The following RNF216 variants were observed in gnomAD, a reference collection of about 807,000 sequenced individuals.
The protein encoded by RNF216 is ring finger protein 216, also known as E3 ubiquitin-protein ligase RNF216.
In RNF216, 72 loss-of-function variants were observed where a neutral mutation model predicts 110.8. The ratio of observed to expected loss-of-function variants is 0.65; its 90% CI spans 0.54 to 0.79. The LOEUF (loss-of-function observed/expected upper bound fraction) is 0.79, where lower values mean the gene tolerates loss of function less well. Ranked by LOEUF, RNF216 falls within the 30% of genes least tolerant of loss-of-function variation. The pLI, the probability that RNF216 is intolerant of heterozygous loss-of-function variation, is 0.00. For missense variants in RNF216, 1,342 were observed against 1,141.2 expected (o/e 1.18, Z -2.54); for synonymous variants, 495 against 407.5 (o/e 1.21, Z -2.59).
At chr7:5,714,081 A>G (rs1376656062) in intron 11 of RNF216, among the ~76,000 whole-genome samples, 1 of 151,894 alleles carries the variant, frequency 6.6e-6, no homozygotes, top group African/African-American at 2.4e-5. Context: ...CAGCTCACTA[A>G]GCCTCCCGAG....
chr7:5,756,855 C>T (rs13237895), intron 2 of RNF216, among the ~76,000 whole-genome samples: 40,555 of 151,986 alleles, frequency 0.27, 6,769 homozygotes, highest in East Asian at 0.69. Context: ...AGGCTGGCCT[C>T]GAAATCCTAG....
rs1786330348 is a variant in RNF216 at position 5,621,159 on chromosome 7, AT to A, written c.*1700del. 6.8e-6 allele frequency: 1 copy of A among 146,598 alleles called. No homozygotes were observed. The highest frequency in any genetic ancestry group is 1.5e-5 in the Non-Finnish European group (1 of 67,394). 9.1% of individuals were successfully genotyped at this position (146,598 alleles called of 1,614,324 possible). A position where few individuals can be genotyped will look rare whatever the true frequency, so the allele number is the denominator to read the frequency against. On this transcript the variant is annotated 3_prime_UTR_variant, in exon 17 of 17. Coordinates refer to ENST00000389902, the MANE Select transcript of RNF216 (RefSeq NM_207111.4). ...TCCATCCTGGGCAAAGGCAGAAAGA[AT>A]GGGTATCTTAGTTTTTTTTTTTTTT...
chr7:5,775,443 C>G (rs1796720357), intron 1 of RNF216, among the ~76,000 whole-genome samples: 2 of 152,110 alleles, frequency 1.3e-5, no homozygotes, highest in African/African-American at 4.8e-5. Flanking sequence ...ACTGTATGAT[C>G]CTAGGGCTCT....
chr7:5,642,787 G>C, intron 14 of RNF216, among the ~76,000 whole-genome samples: 1 of 152,160 alleles, frequency 6.6e-6, no homozygotes, highest in Non-Finnish European at 1.5e-5. Context: ...CTAGACTCAA[G>C]GTTCTAATGA....
At chr7:5,728,343 G>T (rs1438835585) in intron 7 of RNF216, among the ~76,000 whole-genome samples, 1 of 152,018 alleles carries the variant, frequency 6.6e-6, no homozygotes, top group Non-Finnish European at 1.5e-5. Flanking sequence ...ACTGTGGGAG[G>T]CTGAGGTGGG....
chr7:5,735,540 G>A (rs555725003), intron 5 of RNF216, among the ~76,000 whole-genome samples: 33 of 150,740 alleles, frequency 2.2e-4, no homozygotes, highest in Non-Finnish European at 4.1e-4. Flanking sequence ...CAGTAACACG[G>A]TAGATGAGTT....
chr7:5,753,040 A>C, intron 2 of RNF216, 61 bp from the exon 3 acceptor site: 2 of 1,546,380 alleles, frequency 1.3e-6, no homozygotes, highest in South Asian at 1.3e-5. Flanking sequence ...CAACTCTTTA[A>C]GTTTTTCCTG....
chr7:5,723,596 G>A (rs972226338), intron 8 of RNF216, among the ~76,000 whole-genome samples: 15 of 151,726 alleles, frequency 9.9e-5, no homozygotes, highest in East Asian at 3.9e-4. Flanking sequence ...GCAGTGAGCC[G>A]AGATTGCGCC....
chr7:5,656,403 T>C (rs1562795355), intron 13 of RNF216, among the ~76,000 whole-genome samples: 1 of 152,218 alleles, frequency 6.6e-6, no homozygotes, highest in Non-Finnish European at 1.5e-5. Flanking sequence ...GAAGGCAAAG[T>C]ACACTTTGAC....
intron 13 of RNF216, among the ~76,000 whole-genome samples, chr7:5,686,382 C>T (rs147581864): frequency 0.025 from 3,739 of 152,260 alleles, 77 homozygotes; most frequent in South Asian, 0.06. Flanking sequence ...CTGAAGGGGG[C>T]TGGGACAGAA....
chr7:5,670,136 G>A (rs1562809539), intron 13 of RNF216, among the ~76,000 whole-genome samples: 2 of 152,052 alleles, frequency 1.3e-5, no homozygotes, highest in African/African-American at 4.8e-5. Flanking sequence ...GCTTCACCAT[G>A]TTGGCCAGGC....
At chr7:5,746,540 G>T (rs1037629303) in intron 3 of RNF216, among the ~76,000 whole-genome samples, 1 of 152,152 alleles carries the variant, frequency 6.6e-6, no homozygotes, top group Non-Finnish European at 1.5e-5. Context: ...TCCTTTTCTT[G>T]CAGGCTTAGG....
At position 5,694,877 on chromosome 7, in the gene RNF216, T is replaced by G. The variant is rs984979669; in HGVS notation, c.2061+16884A>C. Among the ~76,000 whole-genome samples the G allele has an allele frequency of 2.0e-5, 3 of 152,256 alleles. No individual in the cohort carries two copies. In the South Asian group the frequency reaches 6.2e-4, roughly 31 times the overall value. On this transcript the variant is annotated intron_variant, in intron 13 of 16. Transcript: ENST00000389902. ...ACTACTCCTGTTTTGATTTTGAACA[T>G]TTATTTATAATCATCTAAAGGACCC...
At chr7:5,678,280 A>G (rs527244120) in intron 13 of RNF216, among the ~76,000 whole-genome samples, 20 of 152,324 alleles carry the variant, frequency 1.3e-4, no homozygotes, top group African/African-American at 4.8e-4. Context: ...TTTTACTGCC[A>G]TCTACAAGAC....
At chr7:5,688,608 T>C (rs904827376) in intron 13 of RNF216, among the ~76,000 whole-genome samples, 2 of 152,228 alleles carry the variant, frequency 1.3e-5, no homozygotes, top group African/African-American at 4.8e-5. Context: ...ACCAGCTTTA[T>C]CCTTTACATT....
At chr7:5,718,872 T>C (rs1478574121) in intron 9 of RNF216, among the ~76,000 whole-genome samples, 1 of 152,174 alleles carries the variant, frequency 6.6e-6, no homozygotes, top group Non-Finnish European at 1.5e-5. Flanking sequence ...TAAGTTTTTT[T>C]AGTCTTGAAC....
chr7:5,678,107 A>T (rs1205161079), intron 13 of RNF216, among the ~76,000 whole-genome samples: 1 of 151,932 alleles, frequency 6.6e-6, no homozygotes, highest in Non-Finnish European at 1.5e-5. Context: ...CTGACGCCCC[A>T]CTGTGGAGCC....
chr7:5,679,303 T>C (rs1790505922), intron 13 of RNF216, among the ~76,000 whole-genome samples: 1 of 152,194 alleles, frequency 6.6e-6, no homozygotes, highest in Non-Finnish European at 1.5e-5. Flanking sequence ...GGCACTGGAC[T>C]AAGGGCCTGT....
chr7:5,725,500 G>A (rs1793695953), intron 7 of RNF216, 62 bp from the exon 8 acceptor site: 2 of 951,900 alleles, frequency 2.1e-6, no homozygotes, highest in Non-Finnish European at 3.4e-6. Context: ...CACGAGACAG[G>A]CAATCCCTGA....
Sources: allele counts gnomAD v4.1 joint callset (sites outside exome capture counted in the v4.1 genomes callset), GRCh38; gene constraint gnomAD v4.1.1; transcripts MANE v1.5; gene names NCBI Gene and HGNC (gene_info 2026-07-23, HGNC 2026-07-21).